LRRK1: variants seen among roughly 807,000 people sequenced by gnomAD.
LRRK1 encodes leucine-rich repeat serine/threonine-protein kinase 1.
Under a neutral mutation model 209.1 loss-of-function variants are expected in LRRK1, and 113 were observed. The ratio of observed to expected loss-of-function variants is 0.54; its 90% confidence interval spans 0.46 to 0.63. LRRK1 has a LOEUF of 0.63. Ranked by LOEUF, LRRK1 falls within the 30% of genes least tolerant of loss-of-function variation. The pLI is 0.00. For synonymous variants in LRRK1, 1,144 were observed against 1,099.7 expected, an observed-to-expected ratio of 1.04 and a Z score of -0.80; for missense variants, 2,284 against 2,632.2, an observed-to-expected ratio of 0.87 and a Z score of 2.89.
chr15:101,033,425 C>T (rs1420925671), intron 20 of LRRK1, among the ~76,000 whole-genome samples: 2 of 152,194 alleles, frequency 1.3e-5, no homozygotes, highest in African/African-American at 2.4e-5. Flanking sequence ...TCCTCCCACT[C>T]TCACACCCTT....
At position 101,021,864 on chromosome 15, in the gene LRRK1, C is replaced by G. The variant is rs1275278452; in HGVS notation, c.1759C>G (p.Leu587Val). ...CTTCAGCAACCCTGGCCTCCGGGAG[C>G]TCCCTCCTGAGCTGGGGCAGCTGGG... The part of the protein sequence containing the change: ...YLGNNPGLRE[L>V]PPELGQLGNL... Residue 587 changes from leucine (L) to valine (V), a missense_variant, in exon 14 of 34, where the codon CTC becomes GTC. Transcript: ENST00000388948. 1 of 1,613,822 alleles carries G rather than the reference C, an allele frequency of 6.2e-7. No individual in the cohort carries two copies. Among genetic ancestry groups the G allele is most frequent in the Non-Finnish European group, 8.5e-7 (1 of 1,179,826 alleles).
intron 24 of LRRK1, among the ~76,000 whole-genome samples, 185 bp downstream of exon 24, chr15:101,052,145 C>T (rs543858841): frequency 3.9e-5 from 6 of 152,250 alleles, no homozygotes; most frequent in East Asian, 3.9e-4. Context: ...ACCAGGCTGC[C>T]GGCTTTCCAT....
At chr15:101,058,628 G>GGGGGGC (rs2035965011) in intron 29 of LRRK1, among the ~76,000 whole-genome samples, 2 of 141,700 alleles carry the variant, frequency 1.4e-5, no homozygotes. Flanking sequence ...GGGGGGGGGC[G>GGGGGGC]TCTAAACAGA....
intron 2 of LRRK1, among the ~76,000 whole-genome samples, chr15:100,941,409 T>TGTGTGTG: frequency 7.8e-5 from 1 of 12,862 alleles, no homozygotes; most frequent in African/African-American, 3.3e-4. Flanking sequence ...TCTGTGTGTG[T>TGTGTGTG]CTCTGTGTGT....
At chr15:101,016,915 T>A (rs1390395168) in intron 12 of LRRK1, among the ~76,000 whole-genome samples, 1 of 152,258 alleles carries the variant, frequency 6.6e-6, no homozygotes, top group African/African-American at 2.4e-5. Context: ...GTTTTTGTGC[T>A]GGTCACACAA....
rs1376122744 is a variant in LRRK1, at chr15:101,022,336, G to T, written c.1853-47G>T. ...CAGGATTTTGTGTCCTAAGAGATGT[G>T]AGCATGTGCCCACGCAGCTACCCTT... On this transcript the variant is annotated intron_variant, in intron 14 of 33. Transcript: ENST00000388948. This position sits in a 1 kb window ranked among gnomAD's most constrained non-coding sequence, Gnocchi z 4.0. The T allele has an allele frequency of 4.5e-6, 7 of 1,556,676 alleles. No individual in the cohort carries two copies. The highest frequency in any genetic ancestry group is 2.2e-5 in the South Asian group (2 of 89,424).
At chr15:100,951,120 G>C (rs1308305219) in intron 2 of LRRK1, among the ~76,000 whole-genome samples, 1 of 151,946 alleles carries the variant, frequency 6.6e-6, no homozygotes, top group East Asian at 1.9e-4. Flanking sequence ...AAGAGCAAAG[G>C]GTCTAAACAG....
Position 101,061,211 on chromosome 15 carries a change from G to A in LRRK1, c.4720G>A (p.Val1574Met), listed in dbSNP as rs371591965. ...GAACACAGAGAAGGGCCTCATGGAG[G>A]TGCAGAGGATGTGCTGCCCTGGGAT... is the stretch of plus-strand genomic sequence containing the variant. Reference protein sequence around the residue: ...VVNTEKGLMEVQRMCCPGMKV... With the variant: ...VVNTEKGLMEMQRMCCPGMKV... The change falls in exon 30 of 34, where the codon GTG becomes ATG. Residue 1574 changes from valine to methionine, a missense_variant. By Grantham distance (21) the Val-to-Met change is conservative. Around this residue, in one of 6 missense-constraint regions of LRRK1, gnomAD observed 643 missense variants for 695.9 expected, o/e 0.92. Transcript: ENST00000388948. The A allele has an allele frequency of 6.2e-7, 1 of 1,614,166 alleles. No homozygotes were observed. The highest frequency in any genetic ancestry group is 1.1e-5 in the South Asian group (1 of 91,084).
rs371409478 is a variant in LRRK1, at chr15:101,055,206, A to G, written c.4315A>G (p.Ile1439Val). The change falls in exon 27 of 34, where the codon ATT becomes GTT. Residue 1439 changes from isoleucine to valine, a missense_variant. Ile to Val is a conservative substitution (Grantham distance 29). Transcript: ENST00000388948. ...GYQAPEIRPR[I>V]VYDEKVDMFS... ...CCAGGCCCCAGAGATCAGGCCTCGCATTGTATATGATGAGAAGGTACGTGC... is the reference window on the plus strand; with the variant it reads ...CCAGGCCCCAGAGATCAGGCCTCGCGTTGTATATGATGAGAAGGTACGTGC... The G allele has an allele frequency of 1.9e-6, 3 of 1,583,984 alleles. No homozygotes were observed. The highest frequency in any genetic ancestry group is 2.6e-6 in the Non-Finnish European group (3 of 1,166,024).
chr15:101,033,301 A>G (rs2034362037), intron 20 of LRRK1, among the ~76,000 whole-genome samples: 6 of 152,112 alleles, frequency 3.9e-5, no homozygotes, highest in Admixed American at 3.9e-4. Context: ...CTGGCTTCTA[A>G]CCACTTTGAA....
intron 11 of LRRK1, 84 bp from the exon 12 acceptor site, chr15:101,015,242 G>A (rs747683918): frequency 5.9e-5 from 63 of 1,074,534 alleles, no homozygotes; most frequent in Non-Finnish European, 7.0e-5. Flanking sequence ...CCCTATCTCC[G>A]TGGCTTGGCA....
In LRRK1 at chr15:101,068,897, C is replaced by T; in HGVS notation, c.*49C>T. 6.6e-7 allele frequency: 1 copy of T among 1,509,202 alleles called. No individual in the cohort carries two copies. The highest frequency in any genetic ancestry group is 1.3e-5 in the South Asian group (1 of 77,518). The allele number at this position is 1,509,202 out of a possible 1,614,324, so 93.5% of individuals were successfully genotyped here. ...ATCAGAGCTGGCTGGCCCGGGGCTG[C>T]AGCCTGACCCCTCTGCCATCGGCCT... On this transcript the variant is annotated 3_prime_UTR_variant, in exon 34 of 34. Transcript: ENST00000388948.
intron 23 of LRRK1, among the ~76,000 whole-genome samples, chr15:101,050,006 A>AT (rs2035316729): frequency 6.6e-6 from 1 of 152,068 alleles, no homozygotes; most frequent in African/African-American, 2.4e-5. Flanking sequence ...ACCACTGGGA[A>AT]TGTGCAGGGA....
In LRRK1 at chr15:100,988,779, C is replaced by T. The variant is rs1439291532; in HGVS notation, c.579C>T (p.Ile193=). 1.9e-6 allele frequency: 3 copies of T among 1,610,874 alleles called. No homozygotes were observed. Among genetic ancestry groups the T allele is most frequent in the Non-Finnish European group, 1.7e-6 (2 of 1,177,546 alleles). Reference sequence around the variant, plus strand: ...TCAGGAAGAATGAGTTCCCTGTCATCGTGCGCTTGCCCCTGTATGCGGCCA... The same window carrying T: ...TCAGGAAGAATGAGTTCCCTGTCATTGTGCGCTTGCCCCTGTATGCGGCCA... The part of the protein sequence containing the change: ...YAVRKNEFPV[I]VRLPLYAAIK... Residue 193 remains isoleucine, a synonymous_variant, in exon 5 of 34, where the codon ATC becomes ATT. Coordinates refer to ENST00000388948, the MANE Select transcript of LRRK1 (RefSeq NM_024652.6).
chr15:101,058,787 T>A lies in LRRK1; in HGVS notation c.4679+646T>A, dbSNP rs550533947. On this transcript the variant is annotated intron_variant, in intron 29 of 33. Transcript: ENST00000388948. ...AAAGGATCCTAGGTATTGCCAGAGT[T>A]AAAAAAAAAACTCAAGAGTTATGGT... Among the ~76,000 whole-genome samples the A allele has an allele frequency of 3.3e-3, 489 of 147,850 alleles. 3 individuals carry two copies. Among genetic ancestry groups the A allele is most frequent in the African/African-American group, 0.012 (475 of 40,092 alleles).
chr15:101,013,160 G>A (rs11632491), intron 10 of LRRK1, among the ~76,000 whole-genome samples: 55,924 of 149,506 alleles, frequency 0.37, 12,392 homozygotes, highest in South Asian at 0.53. Context: ...GGGTGGGTGG[G>A]TATGTGGGGG....
chr15:100,947,027 T>A (rs2042552701), intron 2 of LRRK1, among the ~76,000 whole-genome samples: 1 of 152,120 alleles, frequency 6.6e-6, no homozygotes. Flanking sequence ...TGGAGTGCAG[T>A]GTCACGATCT....
intron 2 of LRRK1, among the ~76,000 whole-genome samples, chr15:100,968,830 C>T: frequency 7.0e-6 from 1 of 143,436 alleles, no homozygotes; most frequent in Non-Finnish European, 1.5e-5. Flanking sequence ...CCTTTCCCTT[C>T]CCTTCCTTCT....
intron 12 of LRRK1, among the ~76,000 whole-genome samples, chr15:101,017,223 G>A (rs74040228): frequency 8.3e-4 from 126 of 152,318 alleles, no homozygotes; most frequent in African/African-American, 2.9e-3. Context: ...GATGAGTGAC[G>A]CCACAGAGGC....
Sources: allele counts gnomAD v4.1 joint callset (sites outside exome capture counted in the v4.1 genomes callset), GRCh38; gene constraint gnomAD v4.1.1; regional missense constraint gnomAD v4.1.1; non-coding constraint Gnocchi (gnomAD v3.1); transcripts MANE v1.5; gene names NCBI Gene and HGNC (gene_info 2026-07-23, HGNC 2026-07-21).